The following DYNC1I2 variants were observed in gnomAD, a reference collection of about 807,000 sequenced individuals.
The protein encoded by DYNC1I2 is dynein cytoplasmic 1 intermediate chain 2.
DYNC1I2 carries 53 observed loss-of-function variants against 88.6 expected under a neutral mutation model. That is an observed-to-expected ratio of 0.60 (90% confidence interval 0.48 to 0.75). The LOEUF is 0.75. DYNC1I2 is among the 30% of genes least tolerant of loss of function. The pLI, the probability that DYNC1I2 is intolerant of heterozygous loss-of-function variation, is 0.00. For missense variants in DYNC1I2, 458 were observed against 766.6 expected (o/e 0.60, Z 4.75); for synonymous variants, 198 against 254.6 (o/e 0.78, Z 2.12).
intron 15 of DYNC1I2, among the ~76,000 whole-genome samples, chr2:171,736,596 T>G (rs1251448392): frequency 1.3e-5 from 2 of 152,182 alleles, no homozygotes; most frequent in Non-Finnish European, 2.9e-5. Flanking sequence ...AGCCTTGCCA[T>G]GGGGTAGTAA....
intron 7 of DYNC1I2, among the ~76,000 whole-genome samples, chr2:171,721,306 C>T (rs1184359673): frequency 6.6e-6 from 1 of 151,880 alleles, no homozygotes; most frequent in African/African-American, 2.4e-5. Context: ...GCCAAAGAAA[C>T]CCAAGTGACC....
At chr2:171,709,602 A>C (rs1384235917) in intron 5 of DYNC1I2, among the ~76,000 whole-genome samples, 1 of 152,234 alleles carries the variant, frequency 6.6e-6, no homozygotes, top group Non-Finnish European at 1.5e-5. Context: ...AAAACACAAA[A>C]ACAAATAGTT....
In DYNC1I2 at chr2:171,729,718, A is replaced by G; in HGVS notation, c.1401A>G (p.Gly467=). Residue 467 remains glycine, a synonymous_variant, in exon 15 of 18, where the codon GGA becomes GGG. Coordinates refer to ENST00000397119, the MANE Select transcript of DYNC1I2 (RefSeq NM_001378.3). ...ACTTTTATGAAATTAGCAAAGCTGG[A>G]ATCAGTGAGATGTTTGAGGGGCATC... is the stretch of plus-strand genomic sequence containing the variant. ...YTACRHGSKA[G]ISEMFEGHQG... is the part of the protein sequence containing the mutation. The G allele has an allele frequency of 6.2e-7, 1 of 1,612,470 alleles. No individual in the cohort carries two copies. The highest frequency in any genetic ancestry group is 8.5e-7 in the Non-Finnish European group (1 of 1,179,706).
In DYNC1I2 at chr2:171,708,096, A is replaced by AG. The variant is rs1686827709; in HGVS notation, c.335+719_335+720insG. ...ACACACACACACACACACACACAAAATAGTGAGTATTAAATGTACTTTTTG... is the reference window on the plus strand; with the variant it reads ...ACACACACACACACACACACACAAAAGTAGTGAGTATTAAATGTACTTTTTG... On this transcript the variant is annotated intron_variant, in intron 5 of 17. Coordinates refer to ENST00000397119, the MANE Select transcript of DYNC1I2 (RefSeq NM_001378.3). Among the ~76,000 whole-genome samples the AG allele has an allele frequency of 2.7e-5, 3 of 111,226 alleles. No homozygotes were observed. In the South Asian group the frequency reaches 8.6e-4, roughly 32 times the overall value. The allele number at this position is 111,226 out of a possible 152,430, so 73.0% of individuals were successfully genotyped here. A position where few individuals can be genotyped will look rare whatever the true frequency, so the allele number is the denominator to read the frequency against.
chr2:171,710,135 AC>A (rs1687006899), intron 5 of DYNC1I2, among the ~76,000 whole-genome samples: 1 of 143,812 alleles, frequency 7.0e-6, no homozygotes, highest in Non-Finnish European at 1.5e-5. Context: ...ACACACACAC[AC>A]ACACACACAC....
At chr2:171,720,203 G>C (rs1687810712) in intron 7 of DYNC1I2, among the ~76,000 whole-genome samples, 2 of 152,064 alleles carry the variant, frequency 1.3e-5, no homozygotes, top group African/African-American at 4.8e-5. Context: ...CCAGAAACTG[G>C]CACTTGATTT....
intron 1 of DYNC1I2, among the ~76,000 whole-genome samples, chr2:171,688,905 A>G (rs1476331141): frequency 6.6e-6 from 1 of 152,184 alleles, no homozygotes; most frequent in Non-Finnish European, 1.5e-5. Context: ...CTTCACTTGT[A>G]CAGAGACATT....
intron 15 of DYNC1I2, among the ~76,000 whole-genome samples, chr2:171,731,200 T>C (rs1209564530): frequency 6.6e-6 from 1 of 152,220 alleles, no homozygotes; most frequent in African/African-American, 2.4e-5. Context: ...ATTTTTATTC[T>C]TCTAGTGAAA....
At chr2:171,728,522 C>A (rs1281919546) in intron 13 of DYNC1I2, 104 bp downstream of exon 13, 2 of 825,364 alleles carry the variant, frequency 2.4e-6, no homozygotes, top group African/African-American at 3.5e-5. Flanking sequence ...AGTAGTGTTA[C>A]AACAGCTTAT....
chr2:171,714,501 C>T (rs528357552), intron 6 of DYNC1I2, among the ~76,000 whole-genome samples: 29 of 152,180 alleles, frequency 1.9e-4, no homozygotes, highest in Admixed American at 5.2e-4. Context: ...AGTCTGGAAG[C>T]GTACTTTATT....
chr2:171,740,509 T>C (rs774930237), intron 15 of DYNC1I2, among the ~76,000 whole-genome samples: 7 of 152,212 alleles, frequency 4.6e-5, no homozygotes, highest in Non-Finnish European at 8.8e-5. Context: ...ACTTGCGATT[T>C]GGTCTTTTTA....
chr2:171,700,850 C>G (rs889424711), intron 3 of DYNC1I2, among the ~76,000 whole-genome samples: 27 of 152,072 alleles, frequency 1.8e-4, no homozygotes, highest in African/African-American at 5.8e-4. Context: ...CCAGGATGGT[C>G]TCAATCTCCT....
chr2:171,733,473 T>G (rs1448700299), intron 15 of DYNC1I2, among the ~76,000 whole-genome samples: 3 of 143,784 alleles, frequency 2.1e-5, no homozygotes, highest in Non-Finnish European at 4.5e-5. Flanking sequence ...TTTTTTTTTT[T>G]TTTTTTTTTT....
chr2:171,726,805 C>A lies in DYNC1I2; in HGVS notation c.885C>A (p.Leu295=), dbSNP rs372523252. Residue 295 remains leucine (L), a synonymous_variant, in exon 11 of 18, where the codon CTC becomes CTA. Transcript: ENST00000397119. ...CTTCTGAGCAGTATCCGGAGTTACTCGTGGCTTCCTATAACAACAATGAAG... is the reference window on the plus strand; with the variant it reads ...CTTCTGAGCAGTATCCGGAGTTACTAGTGGCTTCCTATAACAACAATGAAG... The part of the protein sequence containing the change: ...LDWSSQYPEL[L]VASYNNNEDA... 1.2e-6 allele frequency: 2 copies of A among 1,612,932 alleles called. No homozygotes were observed. Among genetic ancestry groups the A allele is most frequent in the South Asian group, 2.2e-5 (2 of 91,028 alleles).
At chr2:171,698,539 C>T (rs947492517) in intron 3 of DYNC1I2, among the ~76,000 whole-genome samples, 1 of 152,060 alleles carries the variant, frequency 6.6e-6, no homozygotes, top group Admixed American at 6.6e-5. Flanking sequence ...CATGTGCTGC[C>T]ACCACACCCA....
At chr2:171,721,350 A>G (rs1455454223) in intron 7 of DYNC1I2, among the ~76,000 whole-genome samples, 1 of 152,118 alleles carries the variant, frequency 6.6e-6, no homozygotes, top group Non-Finnish European at 1.5e-5. Flanking sequence ...AAAAAAAGAA[A>G]GGGAATGGAT....
At chr2:171,728,270 C>A in intron 12 of DYNC1I2, 35 bp from the exon 13 acceptor site, 1 of 1,326,664 alleles carries the variant, frequency 7.5e-7, no homozygotes, top group Non-Finnish European at 1.0e-6. Context: ...CTTTTTGGTA[C>A]AATAATCCCT....
chr2:171,737,770 T>G (rs941132559), intron 15 of DYNC1I2, among the ~76,000 whole-genome samples: 3 of 152,100 alleles, frequency 2.0e-5, no homozygotes, highest in African/African-American at 7.2e-5. Flanking sequence ...ATCCTGTTTT[T>G]GTCTCTGGCT....
At chr2:171,725,590 TTTTG>T (rs766932551) in intron 7 of DYNC1I2, 24 bp from the exon 8 acceptor site, 34 of 1,354,084 alleles carry the variant, frequency 2.5e-5, no homozygotes, top group Admixed American at 5.3e-5. Flanking sequence ...TTTTTTGTTT[TTTTG>T]TTTGTTTTTT....
Sources: gnomAD v4.1 joint callset for allele counts (sites outside exome capture counted in the v4.1 genomes callset) on GRCh38, gnomAD v4.1.1 for gene constraint, MANE v1.5 for transcripts, NCBI Gene and HGNC (gene_info 2026-07-23, HGNC 2026-07-21) for gene names.